CNOT10: variants seen among roughly 807,000 people sequenced by gnomAD.
CNOT10 encodes CCR4-NOT transcription complex subunit 10, also known as CCR4-NOT transcription complex, subunit 10.
In CNOT10, 30 loss-of-function variants were observed where a neutral mutation model predicts 94.6. The ratio of observed to expected loss-of-function variants is 0.32; its 90% CI spans 0.24 to 0.43. The LOEUF is 0.43. Among genes scored for constraint, CNOT10 ranks in the 20% least tolerant of loss-of-function variants. The pLI is 1.00. For missense variants in CNOT10, 759 were observed against 877.2 expected (o/e 0.87, Z 1.70); for synonymous variants, 289 against 301.6 (o/e 0.96, Z 0.43).
Position 32,773,508 on chromosome 3 carries a change from C to G in CNOT10, c.2132C>G (p.Ala711Gly). The change falls in exon 19 of 19, where the codon GCA becomes GGA. Residue 711 changes from alanine (A) to glycine (G), a missense_variant. Ala to Gly is a moderately conservative substitution (Grantham distance 60, BLOSUM62 0). Transcript: ENST00000328834. ...QIIKRNQLLP[A>G]VKTHSEVRKK... ...ATCAAAAGGAATCAGCTGCTCCCTG[C>G]AGTGAAAACACACTCTGAAGTGAGA... The G allele has an allele frequency of 6.2e-7, 1 of 1,614,122 alleles. No individual in the cohort carries two copies. The highest frequency in any genetic ancestry group is 1.1e-5 in the South Asian group (1 of 91,060).
chr3:32,710,919 A>T (rs1268993760), intron 4 of CNOT10, among the ~76,000 whole-genome samples: 1 of 151,984 alleles, frequency 6.6e-6, no homozygotes, highest in Non-Finnish European at 1.5e-5. Flanking sequence ...ACTGGGTTTC[A>T]CTATGTTGCC....
rs551681616 is a variant in CNOT10 at position 32,752,417 on chromosome 3, G to C, written c.1596-7041G>C. On this transcript the variant is annotated intron_variant, in intron 13 of 18. Transcript: ENST00000328834. ...TCTATCAAATAAAGCAATTGGTTTAGGTGATCTTAAGATCCCGTCCATGTG... is the reference window on the plus strand; with the variant it reads ...TCTATCAAATAAAGCAATTGGTTTACGTGATCTTAAGATCCCGTCCATGTG... 2.0e-3 allele frequency among the ~76,000 whole-genome samples: 303 copies of C among 152,268 alleles called. 1 individual carries two copies. Among genetic ancestry groups the C allele is most frequent in the Admixed American group, 3.5e-3 (53 of 15,278 alleles).
intron 18 of CNOT10, among the ~76,000 whole-genome samples, chr3:32,771,759 A>G (rs1190652264): frequency 6.6e-6 from 1 of 152,234 alleles, no homozygotes; most frequent in Non-Finnish European, 1.5e-5. Context: ...TCATAACTTC[A>G]GACACTTAAT....
At chr3:32,693,470 G>C (rs1696930027) in intron 1 of CNOT10, 1 of 151,864 alleles carries the variant, frequency 6.6e-6, no homozygotes, top group Non-Finnish European at 1.5e-5. Flanking sequence ...CTCCTGCCTT[G>C]ACTGCCCAAA....
intron 13 of CNOT10, among the ~76,000 whole-genome samples, chr3:32,756,729 C>T (rs368854309): frequency 1.3e-5 from 2 of 152,158 alleles, no homozygotes; most frequent in East Asian, 1.9e-4. Context: ...AGATATTGCT[C>T]TAGTCTGTGT....
Position 32,764,717 on chromosome 3 carries a change from G to A in CNOT10, c.1912G>A (p.Val638Ile), listed in dbSNP as rs1053584597. The change falls in exon 17 of 19, where the codon GTC (valine) becomes ATC (isoleucine). Residue 638 changes from valine (V) to isoleucine (I), a missense_variant. Coordinates refer to ENST00000328834, the MANE Select transcript of CNOT10 (RefSeq NM_015442.3). ...GGCCCCTCAGTGCTACCCCAGTTCC[G>A]TCAACTCTGCCAGGACTGTGATGCT... ...KRAPQCYPSSVNSARTVMLFN... is the reference protein window; with the variant it reads ...KRAPQCYPSSINSARTVMLFN... 5.0e-6 allele frequency: 8 copies of A among 1,614,036 alleles called. No individual in the cohort carries two copies. The highest frequency in any genetic ancestry group is 1.6e-4 in the Middle Eastern group (1 of 6,062).
At chr3:32,687,464 T>TTTTTTTTTTTTTTTTTTTTTG (rs1559471812) in intron 1 of CNOT10, among the ~76,000 whole-genome samples, 3 of 67,982 alleles carry the variant, frequency 4.4e-5, no homozygotes, top group African/African-American at 6.6e-5. Context: ...TTTTTTTTTT[T>TTTTTTTTTTTTTTTTTTTTTG]TTTTTGAGAC....
At chr3:32,746,036 T>C (rs1052517689) in intron 13 of CNOT10, among the ~76,000 whole-genome samples, 8 of 152,220 alleles carry the variant, frequency 5.3e-5, no homozygotes, top group African/African-American at 1.7e-4. Flanking sequence ...TGGATGAATC[T>C]CAAAACATTT....
intron 8 of CNOT10, among the ~76,000 whole-genome samples, chr3:32,724,563 C>G (rs1698581059): frequency 6.6e-6 from 1 of 152,124 alleles, no homozygotes. Flanking sequence ...CACGCGCCCG[C>G]CACCACGCCC....
intron 13 of CNOT10, among the ~76,000 whole-genome samples, chr3:32,747,647 A>G (rs867106136): frequency 1.3e-5 from 2 of 151,638 alleles, no homozygotes; most frequent in African/African-American, 4.8e-5. Context: ...AGCCTCCTGG[A>G]TAACTAAGAC....
At chr3:32,729,457 G>T (rs1207839219) in intron 10 of CNOT10, among the ~76,000 whole-genome samples, 1 of 152,164 alleles carries the variant, frequency 6.6e-6, no homozygotes. Flanking sequence ...CATTGGGAAG[G>T]TATGGTACCT....
In CNOT10 at chr3:32,733,434, A is replaced by G. The variant is rs755906343; in HGVS notation, c.1227A>G (p.Gln409=). 1 of 1,587,648 alleles carries G rather than the reference A, an allele frequency of 6.3e-7. No homozygotes were observed. Among genetic ancestry groups the G allele is most frequent in the South Asian group, 1.1e-5 (1 of 87,066 alleles). ...TTTGTATTTTGTAGACTTCTGAACA[A>G]GAAACTAAAGGCCTTCCCAGCAAAA... The part of the protein sequence containing the change: ...CIAANKGTSE[Q]ETKGLPSKKG... The change falls in exon 11 of 19, where the codon CAA becomes CAG. Residue 409 remains glutamine (Q), a synonymous_variant. Transcript: ENST00000328834.
At chr3:32,731,740 G>C (rs1311860394) in intron 10 of CNOT10, among the ~76,000 whole-genome samples, 1 of 152,076 alleles carries the variant, frequency 6.6e-6, no homozygotes, top group African/African-American at 2.4e-5. Flanking sequence ...GCCTCCCAAA[G>C]TTCTAGGATT....
At chr3:32,749,792 A>G (rs756875883) in intron 13 of CNOT10, among the ~76,000 whole-genome samples, 1 of 152,148 alleles carries the variant, frequency 6.6e-6, no homozygotes, top group South Asian at 2.1e-4. Context: ...TGTTAATAGT[A>G]GAGAAATATC....
intron 1 of CNOT10, chr3:32,693,370 C>T (rs1326473258): frequency 2.0e-5 from 3 of 151,864 alleles, no homozygotes; most frequent in Non-Finnish European, 2.9e-5. Context: ...GTACATGCCA[C>T]CACACCTGGC....
At chr3:32,695,746 T>C in intron 1 of CNOT10, 1 of 1,535,958 alleles carries the variant, frequency 6.5e-7, no homozygotes, top group Non-Finnish European at 8.7e-7. Context: ...GGGTGAACGG[T>C]CGTATACTCT....
chr3:32,731,358 A>C (rs1470783437), intron 10 of CNOT10, among the ~76,000 whole-genome samples: 3 of 152,200 alleles, frequency 2.0e-5, no homozygotes, highest in Non-Finnish European at 4.4e-5. Flanking sequence ...TGCAGGGCAG[A>C]GATTAGTTTT....
chr3:32,745,087 C>T (rs1448717303), intron 13 of CNOT10, among the ~76,000 whole-genome samples: 4 of 152,070 alleles, frequency 2.6e-5, no homozygotes, highest in Admixed American at 1.3e-4. Context: ...CCATGTTGGC[C>T]AGGCTGGTAT....
chr3:32,714,138 G>A (rs563224347), intron 5 of CNOT10, among the ~76,000 whole-genome samples: 122 of 152,202 alleles, frequency 8.0e-4, no homozygotes, highest in Admixed American at 1.6e-3. Flanking sequence ...CCGGCCACTT[G>A]TGAGGTTGTA....
Sources: allele counts gnomAD v4.1 joint callset (sites outside exome capture counted in the v4.1 genomes callset), GRCh38; gene constraint gnomAD v4.1.1; transcripts MANE v1.5; gene names NCBI Gene and HGNC (gene_info 2026-07-23, HGNC 2026-07-21).